Variants in ADAM20 observed in about 807,000 individuals in gnomAD.
The protein encoded by ADAM20 is ADAM metallopeptidase domain 20.
For synonymous variants in ADAM20, 305 were observed against 310.2 expected (o/e 0.98, Z 0.18); for missense variants, 871 against 883.2 (o/e 0.99, Z 0.18).
chr14:70,563,527 T>C, the ADAM20 span, among the ~76,000 whole-genome samples: 1 of 151,968 alleles, frequency 6.6e-6, no homozygotes, highest in Non-Finnish European at 1.5e-5. Context: ...GGAAGAAGAG[T>C]GATACAGTTT....
chr14:70,577,385 T>C, the ADAM20 span, among the ~76,000 whole-genome samples: 19 of 152,288 alleles, frequency 1.2e-4, no homozygotes, highest in Admixed American at 1.0e-3. Flanking sequence ...TCATCTGTTA[T>C]CTCAACAGAT....
chr14:70,524,912 G>C lies in ADAM20; in HGVS notation c.-155C>G. 6.3e-7 allele frequency: 1 copy of C among 1,585,298 alleles called. No individual in the cohort carries two copies. The highest frequency in any genetic ancestry group is 8.6e-7 in the Non-Finnish European group (1 of 1,165,918). On this transcript the variant is annotated 5_prime_UTR_variant, in exon 2 of 2. Coordinates refer to ENST00000256389, the MANE Select transcript of ADAM20 (RefSeq NM_003814.5). ...GTCCTGGTGGAGCTGGACCATCAGA[G>C]CTGCAGTGCTGAAAATAAAAACTGA...
the ADAM20 span, among the ~76,000 whole-genome samples, chr14:70,542,752 A>G: frequency 2.4e-4 from 36 of 152,222 alleles, no homozygotes; most frequent in Non-Finnish European, 4.7e-4. Flanking sequence ...CAGCCTGGCC[A>G]ACATGGTGAA....
In ADAM20 at chr14:70,523,931, A is replaced by C. The variant is rs1315378372; in HGVS notation, c.827T>G (p.Leu276Ter). 6.2e-7 allele frequency: 1 copy of C among 1,614,036 alleles called. No homozygotes were observed. Among genetic ancestry groups the C allele is most frequent in the Non-Finnish European group, 8.5e-7 (1 of 1,179,956 alleles). The change falls in exon 2 of 2, where the codon TTA becomes TGA. Residue 276 changes from leucine to a stop codon, truncating the protein, a stop_gained. Coordinates refer to ENST00000256389, the MANE Select transcript of ADAM20 (RefSeq NM_003814.5). LOFTEE classifies it low-confidence loss of function (END_TRUNC). ...LPTSGDLDNV[L>*]EDFSIWKNYN... ...ATTCTTCCAAATAGAAAAGTCCTCT[A>C]AAACATTATCTAGGTCTCCACTGGT... is the stretch of plus-strand genomic sequence containing the variant.
chr14:70,561,817 G>A, the ADAM20 span, among the ~76,000 whole-genome samples: 1 of 152,258 alleles, frequency 6.6e-6, no homozygotes, highest in Non-Finnish European at 1.5e-5. Flanking sequence ...CAAGAGTTGA[G>A]GTTTGAAAAC....
chr14:70,566,659 CCA>C, the ADAM20 span, among the ~76,000 whole-genome samples: 1 of 152,108 alleles, frequency 6.6e-6, no homozygotes, highest in Non-Finnish European at 1.5e-5. Context: ...GAGATCAACC[CCA>C]GAGAAACCTG....
chr14:70,577,828 A>G, the ADAM20 span, among the ~76,000 whole-genome samples: 1,625 of 152,250 alleles, frequency 0.011, 17 homozygotes, highest in African/African-American at 0.037. Flanking sequence ...GGATATACAC[A>G]TGCAAAAGAA....
the ADAM20 span, among the ~76,000 whole-genome samples, chr14:70,566,081 G>C: frequency 6.6e-6 from 1 of 152,172 alleles, no homozygotes; most frequent in Admixed American, 6.5e-5. Flanking sequence ...AGTTGCTCAA[G>C]TTGAAACAAA....
the ADAM20 span, among the ~76,000 whole-genome samples, chr14:70,546,075 G>C: frequency 4.9e-3 from 750 of 152,264 alleles, 8 homozygotes; most frequent in African/African-American, 0.017. Flanking sequence ...CAAACATGTG[G>C]AAATTCGACA....
At chr14:70,562,823 C>A in the ADAM20 span, among the ~76,000 whole-genome samples, 1 of 152,178 alleles carries the variant, frequency 6.6e-6, no homozygotes, top group Non-Finnish European at 1.5e-5. Flanking sequence ...GTCAATTAAA[C>A]CTCCTTTCTT....
At chr14:70,567,937 C>G in the ADAM20 span, among the ~76,000 whole-genome samples, 824 of 152,214 alleles carry the variant, frequency 5.4e-3, 6 homozygotes, top group African/African-American at 0.019. Flanking sequence ...CTCAGCGGGC[C>G]CCAACAAGAT....
At chr14:70,550,819 A>G in the ADAM20 span, among the ~76,000 whole-genome samples, 1 of 100,158 alleles carries the variant, frequency 1.0e-5, no homozygotes, top group Non-Finnish European at 1.9e-5. Flanking sequence ...GGCCAGCATC[A>G]TTCTGATATC....
upstream of ADAM20, among the ~76,000 whole-genome samples, chr14:70,539,560 G>A (rs976224384): frequency 6.6e-6 from 1 of 152,210 alleles, no homozygotes; most frequent in African/African-American, 2.4e-5. Context: ...GGTCTAACTG[G>A]TTGTCTAGCT....
chr14:70,534,449 G>GA (rs1012697454), intron 1 of ADAM20, among the ~76,000 whole-genome samples: 43 of 151,680 alleles, frequency 2.8e-4, no homozygotes, highest in African/African-American at 8.9e-4. Context: ...CCAAAAGGTG[G>GA]AAAAAAAATG....
the ADAM20 span, among the ~76,000 whole-genome samples, chr14:70,568,368 A>G: frequency 1.3e-4 from 19 of 151,434 alleles, no homozygotes; most frequent in Non-Finnish European, 2.4e-4. Flanking sequence ...GGGAAAAAGG[A>G]TTGAAAAATT....
At position 70,524,532 on chromosome 14, in the gene ADAM20, T is replaced by G. The variant is rs1459081349; in HGVS notation, c.226A>C (p.Met76Leu). 6.2e-7 allele frequency: 1 copy of G among 1,614,004 alleles called. No homozygotes were observed. Among genetic ancestry groups the G allele is most frequent in the East Asian group, 2.2e-5 (1 of 44,874 alleles). The part of the protein sequence containing the change: ...RFGGQRYIVH[M>L]RVNKLLFAAH... The stretch of plus-strand genomic sequence containing the variant: ...GCAAACAACAGCTTATTTACCCTCA[T>G]GTGGACAATGTATCTCTGTCCCCCA... The change falls in exon 2 of 2, where the codon ATG (methionine) becomes CTG (leucine). Residue 76 changes from methionine (M) to leucine (L), a missense_variant. Met to Leu is a conservative substitution (Grantham distance 15). Transcript: ENST00000256389.
chr14:70,545,599 G>GA, the ADAM20 span, among the ~76,000 whole-genome samples: 1 of 151,892 alleles, frequency 6.6e-6, no homozygotes, highest in Non-Finnish European at 1.5e-5. Context: ...TAGATTTCAA[G>GA]AAAAAAAGAA....
the ADAM20 span, among the ~76,000 whole-genome samples, chr14:70,553,511 T>C: frequency 8.8e-6 from 1 of 114,144 alleles, no homozygotes; most frequent in Non-Finnish European, 1.8e-5. Flanking sequence ...TAATCAATAT[T>C]AATGCAAAAA....
the ADAM20 span, among the ~76,000 whole-genome samples, chr14:70,545,022 T>C: frequency 6.6e-6 from 1 of 152,186 alleles, no homozygotes; most frequent in African/African-American, 2.4e-5. Context: ...GAGAATGTAC[T>C]AAGGAACAAC....
Sources: allele counts gnomAD v4.1 joint callset (sites outside exome capture counted in the v4.1 genomes callset), GRCh38; gene constraint gnomAD v4.1.1; transcripts MANE v1.5; gene names NCBI Gene and HGNC (gene_info 2026-07-23, HGNC 2026-07-21).